Variants in NID2 observed in about 807,000 individuals in gnomAD.
NID2 encodes nidogen 2.
A neutral mutation model predicts 145.4 loss-of-function variants in NID2; 83 were observed. The observed-to-expected ratio is 0.57, with a 90% confidence interval of 0.48 to 0.69. NID2 has a LOEUF of 0.69. Among genes scored for constraint, NID2 ranks in the 30% least tolerant of loss-of-function variants. The probability of loss-of-function intolerance (pLI) is 0.00; values close to 1 mark genes in which losing one functional copy is unlikely to be tolerated. For synonymous variants in NID2, 739 were observed against 701.3 expected (o/e 1.05, Z -0.85); for missense variants, 1,807 against 1,765.7 (o/e 1.02, Z -0.42).
intron 2 of NID2, among the ~76,000 whole-genome samples, chr14:52,064,118 A>C (rs1180160762): frequency 3.9e-5 from 6 of 152,018 alleles, no homozygotes; most frequent in Admixed American, 3.9e-4. Context: ...AGCTACAATA[A>C]AGTCCTGCTT....
intron 15 of NID2, among the ~76,000 whole-genome samples, chr14:52,014,730 AAC>A (rs1171458189): frequency 1.4e-4 from 22 of 151,992 alleles, no homozygotes; most frequent in Admixed American, 5.2e-4. Flanking sequence ...AGAAAAAAAA[AAC>A]AGAGCCAGCA....
rs764477480 is a variant in NID2 at position 52,027,200 on chromosome 14, C to A, written c.2674+1G>T. On this transcript the variant is annotated splice_donor_variant, in intron 12 of 21. Coordinates refer to ENST00000216286, the MANE Select transcript of NID2 (RefSeq NM_007361.4). LOFTEE classifies it high-confidence loss of function. Reference sequence around the variant, plus strand: ...ATTGAGGCTGACCTGCAGTTACTCACCAGTGCACTGGTGCCCATCGCCGGC... The same window carrying A: ...ATTGAGGCTGACCTGCAGTTACTCAACAGTGCACTGGTGCCCATCGCCGGC... 1.3e-6 allele frequency: 2 copies of A among 1,523,634 alleles called. No homozygotes were observed. Among genetic ancestry groups the A allele is most frequent in the South Asian group, 1.3e-5 (1 of 78,204 alleles). The allele number at this position is 1,523,634 out of a possible 1,614,324, so 94.4% of individuals were successfully genotyped here.
In NID2 at chr14:52,042,185, GGGA is replaced by G; in HGVS notation, c.1742_1744del (p.Leu581del). The G allele has an allele frequency of 1.2e-6, 2 of 1,614,206 alleles. No individual in the cohort carries two copies. The highest frequency in any genetic ancestry group is 1.7e-6 in the Non-Finnish European group (2 of 1,180,030). On this transcript the variant is annotated inframe_deletion, in exon 7 of 22. Transcript: ENST00000216286. ...AAACAGGCCTCCAATTGGTGTGAGG[GGGA>G]GGAGGGCCTGGGCTGCTGGCTGTGG...
At chr14:52,019,362 C>G (rs745828412) in intron 13 of NID2, 68 bp from the exon 14 acceptor site, 43 of 1,274,272 alleles carry the variant, frequency 3.4e-5, no homozygotes, top group Non-Finnish European at 4.5e-5. Flanking sequence ...TCCACTTCAC[C>G]AGCCCACAGC....
intron 5 of NID2, among the ~76,000 whole-genome samples, chr14:52,050,706 C>T (rs1241636828): frequency 6.6e-6 from 1 of 152,158 alleles, no homozygotes; most frequent in Non-Finnish European, 1.5e-5. Context: ...CTCTTGGGCT[C>T]AAGTGATCCT....
intron 9 of NID2, among the ~76,000 whole-genome samples, chr14:52,032,309 G>C (rs1756301064): frequency 6.6e-6 from 1 of 152,180 alleles, no homozygotes; most frequent in African/African-American, 2.4e-5. Context: ...CAGAATCTTT[G>C]CCAAAACAAA....
Position 52,005,734 on chromosome 14 carries a change from T to TA in NID2, c.4117+2dup. ...AAGGAGCATCCTAAAGCATACTTTTTACCTGTTGGGCAGTAGGGGTAGACT... is the reference window on the plus strand; with the variant it reads ...AAGGAGCATCCTAAAGCATACTTTTTAACCTGTTGGGCAGTAGGGGTAGACT... On this transcript the variant is annotated splice_region_variant and intron_variant, in intron 21 of 21. Transcript: ENST00000216286. 1 of 1,608,310 alleles carries TA rather than the reference T, an allele frequency of 6.2e-7. No individual in the cohort carries two copies. Among genetic ancestry groups the TA allele is most frequent in the Non-Finnish European group, 8.5e-7 (1 of 1,174,672 alleles).
chr14:52,058,860 G>A (rs1311273714), intron 3 of NID2, among the ~76,000 whole-genome samples: 2 of 151,814 alleles, frequency 1.3e-5, no homozygotes, highest in African/African-American at 4.8e-5. Context: ...AAATCTATGA[G>A]CTCCCAAGTA....
rs1288490347 is a variant in NID2 at position 52,068,854 on chromosome 14, G to A, written c.141C>T (p.Leu47=). ...FPHGESWGDQ[L]LQEGDDESSA... is the part of the protein sequence containing the mutation. ...AGCTTTCGTCGTCGCCTTCCTGCAGGAGCTGGTCCCCCCACGACTCCCCGT... is the reference window on the plus strand; with the variant it reads ...AGCTTTCGTCGTCGCCTTCCTGCAGAAGCTGGTCCCCCCACGACTCCCCGT... Residue 47 remains leucine (L), a synonymous_variant, in exon 1 of 22, where the codon CTC becomes CTT. Coordinates refer to ENST00000216286, the MANE Select transcript of NID2 (RefSeq NM_007361.4). The A allele has an allele frequency of 6.2e-7, 1 of 1,613,520 alleles. No homozygotes were observed. The highest frequency in any genetic ancestry group is 1.3e-5 in the African/African-American group (1 of 74,952).
intron 2 of NID2, 107 bp downstream of exon 2, chr14:52,067,751 G>GCA (rs1893270750): frequency 2.3e-6 from 3 of 1,323,030 alleles, no homozygotes; most frequent in Admixed American, 3.7e-5. Flanking sequence ...CAGGTTCAGC[G>GCA]CAAGAGTAGG....
chr14:52,062,575 G>C (rs1403981144), intron 2 of NID2, among the ~76,000 whole-genome samples: 1 of 152,108 alleles, frequency 6.6e-6, no homozygotes, highest in African/African-American at 2.4e-5. Context: ...AGAGGAAGGA[G>C]AAAAAACCCC....
At chr14:52,007,337 C>A in intron 19 of NID2, 1 of 173,982 alleles carries the variant, frequency 5.7e-6, no homozygotes, top group Non-Finnish European at 1.2e-5. Context: ...TAGAACTAGA[C>A]ACACAGCATT....
At chr14:52,016,211 A>C (rs926092626) in intron 14 of NID2, among the ~76,000 whole-genome samples, 2 of 152,254 alleles carry the variant, frequency 1.3e-5, no homozygotes, top group African/African-American at 4.8e-5. Flanking sequence ...ACTCTGCTGC[A>C]GAAGGTTATT....
intron 9 of NID2, among the ~76,000 whole-genome samples, chr14:52,033,880 G>T (rs760917992): frequency 7.2e-5 from 11 of 152,146 alleles, no homozygotes; most frequent in Non-Finnish European, 1.6e-4. Context: ...GCCATGAGGG[G>T]TAAGGGTGTG....
chr14:52,039,024 A>AT, intron 8 of NID2, 47 bp from the exon 9 acceptor site: 1 of 1,340,282 alleles, frequency 7.5e-7, no homozygotes, highest in Non-Finnish European at 1.0e-6. Context: ...AAATACAGAG[A>AT]TTTTCATGTG....
At chr14:52,014,132 A>G (rs747399780) in intron 16 of NID2, 155 bp downstream of exon 16, 37 of 869,788 alleles carry the variant, frequency 4.3e-5, no homozygotes, top group Non-Finnish European at 6.4e-5. Flanking sequence ...CCCTGGTCCT[A>G]TGGTGGTGGC....
At position 52,068,689 on chromosome 14, in the gene NID2, C is replaced by G; in HGVS notation, c.228+78G>C. ...CCAGGAGTGGGGTCTGTTTCCTCCC[C>G]TCTGGAGGCAGGGTTTCCGTGAGAC... is the stretch of plus-strand genomic sequence containing the variant. On this transcript the variant is annotated intron_variant, in intron 1 of 21. Coordinates refer to ENST00000216286, the MANE Select transcript of NID2 (RefSeq NM_007361.4). 16 of 1,327,758 alleles carry G rather than the reference C, an allele frequency of 1.2e-5. 1 individual carries two copies. Among genetic ancestry groups the G allele is most frequent in the Non-Finnish European group, 1.7e-5 (16 of 947,770 alleles). The allele number at this position is 1,327,758 out of a possible 1,614,324, so 82.2% of individuals were successfully genotyped here.
At chr14:52,017,042 G>A (rs182772753) in intron 14 of NID2, among the ~76,000 whole-genome samples, 3 of 152,308 alleles carry the variant, frequency 2.0e-5, no homozygotes, top group Admixed American at 2.0e-4. Flanking sequence ...TCAGCCAAAT[G>A]TGTCTCAAGG....
At chr14:52,020,659 A>G (rs1005127843) in intron 12 of NID2, among the ~76,000 whole-genome samples, 5 of 152,124 alleles carry the variant, frequency 3.3e-5, no homozygotes, top group African/African-American at 1.2e-4. Context: ...AGGCCCAAAT[A>G]TTTTTCAGCT....
Sources: allele counts gnomAD v4.1 joint callset (sites outside exome capture counted in the v4.1 genomes callset), GRCh38; gene constraint gnomAD v4.1.1; transcripts MANE v1.5; gene names NCBI Gene and HGNC (gene_info 2026-07-23, HGNC 2026-07-21).